KIAA0825: variants seen among roughly 807,000 people sequenced by gnomAD.
KIAA0825 encodes the protein KIAA0825.
In KIAA0825, 119 loss-of-function variants were observed where a neutral mutation model predicts 147.6. The observed-to-expected ratio is 0.81, with a 90% CI of 0.69 to 0.94. The LOEUF is 0.94. Among genes scored for constraint, KIAA0825 ranks in the 40% least tolerant of loss-of-function variants. The pLI is 0.00. For missense variants in KIAA0825, 1,381 were observed against 1,472.7 expected, an observed-to-expected ratio of 0.94 and a Z score of 1.02; for synonymous variants, 470 against 518.1, an observed-to-expected ratio of 0.91 and a Z score of 1.26.
At chr5:94,202,277 G>T (rs1435255636) in intron 20 of KIAA0825, among the ~76,000 whole-genome samples, 1 of 152,096 alleles carries the variant, frequency 6.6e-6, no homozygotes, top group Non-Finnish European at 1.5e-5. Flanking sequence ...ATGAAGGGGA[G>T]GAAGAACAGA....
chr5:94,332,780 T>C (rs139048948), intron 20 of KIAA0825, among the ~76,000 whole-genome samples: 1 of 152,328 alleles, frequency 6.6e-6, no homozygotes, highest in African/African-American at 2.4e-5. Flanking sequence ...ATATTTCTAG[T>C]TCTAGATCCT....
intron 2 of KIAA0825, among the ~76,000 whole-genome samples, chr5:94,577,733 T>C (rs1356438737): frequency 1.3e-5 from 2 of 152,210 alleles, no homozygotes; most frequent in Non-Finnish European, 2.9e-5. Flanking sequence ...ACTATCATGA[T>C]CATTTCAGAA....
At chr5:94,429,669 G>A (rs1386029649) in intron 14 of KIAA0825, among the ~76,000 whole-genome samples, 3 of 152,178 alleles carry the variant, frequency 2.0e-5, no homozygotes, top group African/African-American at 7.2e-5. Context: ...TCAGCCCTGG[G>A]GGGTGGCAGG....
At chr5:94,567,237 C>A (rs952602445) in intron 2 of KIAA0825, among the ~76,000 whole-genome samples, 2 of 152,156 alleles carry the variant, frequency 1.3e-5, no homozygotes, top group African/African-American at 4.8e-5. Flanking sequence ...GGTTTGTTTT[C>A]AATAATTGCA....
At chr5:94,182,293 T>C (rs1391656915) in intron 20 of KIAA0825, among the ~76,000 whole-genome samples, 1 of 106,318 alleles carries the variant, frequency 9.4e-6, no homozygotes, top group Non-Finnish European at 1.9e-5. Flanking sequence ...AGGGCCTTTC[T>C]CTGTCACCAG....
intron 18 of KIAA0825, among the ~76,000 whole-genome samples, chr5:94,387,414 C>G (rs1237101521): frequency 6.6e-6 from 1 of 152,182 alleles, no homozygotes; most frequent in African/African-American, 2.4e-5. Context: ...GCATTCCCAG[C>G]TGGGTGCAGT....
intron 13 of KIAA0825, among the ~76,000 whole-genome samples, chr5:94,451,238 T>C (rs905507233): frequency 2.0e-5 from 3 of 152,148 alleles, no homozygotes; most frequent in African/African-American, 7.2e-5. Context: ...CTTTAATCAC[T>C]CCACAGTAGT....
chr5:94,608,890 G>A (rs1248923329), intron 1 of KIAA0825, among the ~76,000 whole-genome samples: 1 of 151,990 alleles, frequency 6.6e-6, no homozygotes, highest in African/African-American at 2.4e-5. Flanking sequence ...GTTGTATAAT[G>A]AAATCTATTA....
At chr5:94,476,049 A>G (rs1004766496) in intron 7 of KIAA0825, among the ~76,000 whole-genome samples, 3 of 152,160 alleles carry the variant, frequency 2.0e-5, no homozygotes, top group African/African-American at 4.8e-5. Flanking sequence ...CTCTATTTCT[A>G]TTATTTAGTG....
Position 94,520,462 on chromosome 5 carries a change from G to A in KIAA0825, c.756C>T (p.Tyr252=). The A allele has an allele frequency of 1.2e-6, 2 of 1,612,674 alleles. No individual in the cohort carries two copies. The highest frequency in any genetic ancestry group is 1.7e-4 in the Middle Eastern group (1 of 6,052). ...TGTTAAAATCCTCTTTTATTACTGAGTATAACTTAAGCATTGTACTTTGAT... is the reference window on the plus strand; with the variant it reads ...TGTTAAAATCCTCTTTTATTACTGAATATAACTTAAGCATTGTACTTTGAT... The part of the protein sequence containing the change: ...HGYQSTMLKL[Y]SVIKEDFNTL... The change falls in exon 5 of 21, where the codon TAC becomes TAT. Residue 252 remains tyrosine (Y), a synonymous_variant. Transcript: ENST00000682413.
chr5:94,473,614 T>A, intron 7 of KIAA0825, 95 bp from the exon 8 acceptor site: 3 of 801,162 alleles, frequency 3.7e-6, no homozygotes, highest in Non-Finnish European at 5.9e-6. Flanking sequence ...TCATTCAACA[T>A]GTTGAATATA....
chr5:94,345,831 G>A (rs554707505), intron 20 of KIAA0825, among the ~76,000 whole-genome samples: 34 of 152,130 alleles, frequency 2.2e-4, no homozygotes, highest in Admixed American at 5.9e-4. Context: ...CGAGCTCTCC[G>A]AGTGAGCAAT....
In KIAA0825 at chr5:94,401,708, A is replaced by C. The variant is rs1751397251; in HGVS notation, c.2887+1861T>G. The stretch of plus-strand genomic sequence containing the variant: ...TTCTTTGTCTCTTCTCATACACCAA[A>C]AAATTGTACATCTCTTATTTGTACC... On this transcript the variant is annotated intron_variant, in intron 16 of 20. Coordinates refer to ENST00000682413, the MANE Select transcript of KIAA0825 (RefSeq NM_001145678.3). 2.0e-5 allele frequency among the ~76,000 whole-genome samples: 3 copies of C among 152,058 alleles called. No homozygotes were observed. In the South Asian group the frequency reaches 6.2e-4, roughly 31 times the overall value.
At chr5:94,335,583 A>G (rs183864787) in intron 20 of KIAA0825, among the ~76,000 whole-genome samples, 1 of 152,254 alleles carries the variant, frequency 6.6e-6, no homozygotes, top group African/African-American at 2.4e-5. Flanking sequence ...AATAATTATC[A>G]TAGTATATCA....
Position 94,439,976 on chromosome 5 carries a change from A to T in KIAA0825, c.2497+6T>A, listed in dbSNP as rs1169550167. ...CGAGGACATTCTTATAACTACACAT[A>T]CTCACTTGAGCTCTTCAGCAAGATT... On this transcript the variant is annotated splice_donor_region_variant and intron_variant, in intron 14 of 20. Coordinates refer to ENST00000682413, the MANE Select transcript of KIAA0825 (RefSeq NM_001145678.3). 6.5e-7 allele frequency: 1 copy of T among 1,550,118 alleles called. No individual in the cohort carries two copies.
chr5:94,440,174 T>A, intron 13 of KIAA0825, 53 bp from the exon 14 acceptor site: 2 of 1,501,594 alleles, frequency 1.3e-6, no homozygotes, highest in Non-Finnish European at 1.8e-6. Flanking sequence ...ATCTATGAAA[T>A]TAATAGCCTT....
chr5:94,475,129 C>T (rs1761716909), intron 7 of KIAA0825, among the ~76,000 whole-genome samples: 1 of 151,822 alleles, frequency 6.6e-6, no homozygotes, highest in South Asian at 2.1e-4. Context: ...ATCTGCTCAA[C>T]TGATATAATC....
intron 20 of KIAA0825, among the ~76,000 whole-genome samples, chr5:94,274,411 A>G (rs1313125241): frequency 6.6e-6 from 1 of 152,146 alleles, no homozygotes; most frequent in Non-Finnish European, 1.5e-5. Context: ...TTGTCATATA[A>G]CCACCAGAAT....
chr5:94,186,585 A>G (rs12187701), intron 20 of KIAA0825, among the ~76,000 whole-genome samples: 13,063 of 152,310 alleles, frequency 0.086, 719 homozygotes, highest in Middle Eastern at 0.14. Context: ...ATTATGTACT[A>G]TATGTCTTGT....
Sources: allele counts gnomAD v4.1 joint callset (sites outside exome capture counted in the v4.1 genomes callset), GRCh38; gene constraint gnomAD v4.1.1; transcripts MANE v1.5; gene names NCBI Gene and HGNC (gene_info 2026-07-23, HGNC 2026-07-21).